Variants in NIM1K observed in about 807,000 individuals in gnomAD.
NIM1K encodes serine/threonine-protein kinase NIM1.
Under a neutral mutation model 37.1 loss-of-function variants are expected in NIM1K, and 35 were observed. The observed-to-expected ratio is 0.94, with a 90% confidence interval of 0.72 to 1.25. The LOEUF is 1.25. NIM1K is among the 50% of genes most tolerant of loss of function. The probability of loss-of-function intolerance (pLI) is 0.00; values close to 1 mark genes in which losing one functional copy is unlikely to be tolerated. For missense variants in NIM1K, 564 were observed against 548.0 expected (o/e 1.03, Z -0.29); for synonymous variants, 234 against 206.6 (o/e 1.13, Z -1.14).
At chr5:43,279,944 T>C in intron 3 of NIM1K, 36 bp from the exon 4 acceptor site, 3 of 1,540,598 alleles carry the variant, frequency 1.9e-6, no homozygotes, top group Non-Finnish European at 2.7e-6. Context: ...GACATTTTAC[T>C]GTAAAAATGA....
chr5:43,233,723 C>T (rs1387221120), intron 1 of NIM1K, among the ~76,000 whole-genome samples: 1 of 152,222 alleles, frequency 6.6e-6, no homozygotes, highest in East Asian at 1.9e-4. Flanking sequence ...GCAGTTTCTG[C>T]TTTGACTTAC....
In NIM1K at chr5:43,277,071, A is replaced by G; in HGVS notation, c.307A>G (p.Lys103Glu). The G allele has an allele frequency of 1.2e-6, 2 of 1,613,242 alleles. No homozygotes were observed. The highest frequency in any genetic ancestry group is 8.5e-7 in the Non-Finnish European group (1 of 1,179,802). The change falls in exon 3 of 4, where the codon AAG becomes GAG. Residue 103 changes from lysine (K) to glutamate (E), a missense_variant. Coordinates refer to ENST00000326035, the MANE Select transcript of NIM1K (RefSeq NM_153361.4). Reference sequence around the variant, plus strand: ...TTTCCTTGCAGAAAAGGTGGCCATTAAGATCCTGGACAAGACCAAGTTAGA... The same window carrying G: ...TTTCCTTGCAGAAAAGGTGGCCATTGAGATCCTGGACAAGACCAAGTTAGA... Reference protein sequence around the residue: ...HSLTKEKVAIKILDKTKLDQK... With the variant: ...HSLTKEKVAIEILDKTKLDQK...
intron 2 of NIM1K, among the ~76,000 whole-genome samples, chr5:43,257,952 A>C (rs143587647): frequency 3.0e-4 from 46 of 152,186 alleles, no homozygotes; most frequent in African/African-American, 1.0e-3. Flanking sequence ...TGTTTAACGC[A>C]TATCAATACC....
intron 2 of NIM1K, among the ~76,000 whole-genome samples, chr5:43,249,049 TTTA>T (rs1434467051): frequency 4.2e-4 from 44 of 104,716 alleles, no homozygotes; most frequent in Middle Eastern, 0.015. Context: ...TTTATTTTTA[TTTA>T]TTTATTTATT....
At chr5:43,203,760 T>C (rs1050376248) in intron 1 of NIM1K, among the ~76,000 whole-genome samples, 27 of 152,122 alleles carry the variant, frequency 1.8e-4, no homozygotes, top group African/African-American at 6.3e-4. Flanking sequence ...GCACAGTGGC[T>C]CACGTCTGTA....
intron 1 of NIM1K, among the ~76,000 whole-genome samples, chr5:43,215,440 T>C (rs76248832): frequency 0.024 from 3,598 of 152,262 alleles, 145 homozygotes; most frequent in East Asian, 0.16. Context: ...GGCCCATCTT[T>C]TTTTCTTTTT....
Position 43,217,483 on chromosome 5 carries a change from C to G in NIM1K, c.-695+25072C>G, listed in dbSNP as rs571110583. ...GCAAAAAAAAAAAAAAAAAAAAAGT[C>G]CTGCACCATATTACGTTCCAACCAG... On this transcript the variant is annotated intron_variant, in intron 1 of 3. Coordinates refer to ENST00000326035, the MANE Select transcript of NIM1K (RefSeq NM_153361.4). 2.3e-3 allele frequency among the ~76,000 whole-genome samples: 345 copies of G among 147,990 alleles called. 1 individual carries two copies. Among genetic ancestry groups the G allele is most frequent in the Non-Finnish European group, 4.2e-3 (284 of 67,138 alleles).
At position 43,245,518 on chromosome 5, in the gene NIM1K, T is replaced by A; in HGVS notation, c.-258T>A. 1 of 402,828 alleles carries A rather than the reference T, an allele frequency of 2.5e-6. No homozygotes were observed. The highest frequency in any genetic ancestry group is 4.4e-6 in the Non-Finnish European group (1 of 225,688). The allele number at this position is 402,828 out of a possible 1,614,324, so 25.0% of individuals were successfully genotyped here. On this transcript the variant is annotated 5_prime_UTR_variant, in exon 2 of 4. Coordinates refer to ENST00000326035, the MANE Select transcript of NIM1K (RefSeq NM_153361.4). ...TGTGCCTAATTGTACAGCTAGAGCC[T>A]GCAAGTTCAACGTGAGGGAAGGTGG...
At chr5:43,221,545 A>G (rs1752381363) in intron 1 of NIM1K, among the ~76,000 whole-genome samples, 1 of 152,144 alleles carries the variant, frequency 6.6e-6, no homozygotes, top group African/African-American at 2.4e-5. Context: ...GCAAAGACCA[A>G]TTCTCCAATT....
At chr5:43,208,202 T>TAAG (rs2112212849) in intron 1 of NIM1K, among the ~76,000 whole-genome samples, 1 of 152,308 alleles carries the variant, frequency 6.6e-6, no homozygotes, top group Non-Finnish European at 1.5e-5. Flanking sequence ...ATGGTGTTTC[T>TAAG]TTCCCCAATA....
chr5:43,260,044 C>T (rs1050971801), intron 2 of NIM1K, among the ~76,000 whole-genome samples: 1 of 151,920 alleles, frequency 6.6e-6, no homozygotes, highest in Non-Finnish European at 1.5e-5. Flanking sequence ...GTGTCCTTTC[C>T]CTAATTTATG....
At chr5:43,273,252 G>A (rs1271306396) in intron 2 of NIM1K, among the ~76,000 whole-genome samples, 3 of 150,958 alleles carry the variant, frequency 2.0e-5, no homozygotes, top group African/African-American at 7.3e-5. Flanking sequence ...CACCTAGGCT[G>A]GAGTGCAGTG....
intron 1 of NIM1K, among the ~76,000 whole-genome samples, chr5:43,215,812 C>T (rs1245907073): frequency 1.3e-5 from 2 of 152,160 alleles, no homozygotes; most frequent in African/African-American, 4.8e-5. Flanking sequence ...CTTCATGATT[C>T]TTGTTCTTTA....
intron 1 of NIM1K, among the ~76,000 whole-genome samples, chr5:43,210,361 A>G (rs915235933): frequency 6.6e-6 from 1 of 152,226 alleles, no homozygotes; most frequent in African/African-American, 2.4e-5. Context: ...TTTATTATTT[A>G]TTTATCCATT....
intron 1 of NIM1K, among the ~76,000 whole-genome samples, chr5:43,220,367 C>T (rs1397270075): frequency 2.7e-5 from 4 of 147,964 alleles, no homozygotes; most frequent in African/African-American, 1.0e-4. Context: ...CACACTGCAA[C>T]CTTCACCTCC....
chr5:43,199,569 G>A lies in NIM1K; in HGVS notation c.-695+7158G>A, dbSNP rs149699095. ...TCCTCTGTAAGTTCCACAGGGGAAGGAAATGAAAGGAGCTGCTCCAGCTGC... is the reference window on the plus strand; with the variant it reads ...TCCTCTGTAAGTTCCACAGGGGAAGAAAATGAAAGGAGCTGCTCCAGCTGC... On this transcript the variant is annotated intron_variant, in intron 1 of 3. Coordinates refer to ENST00000326035, the MANE Select transcript of NIM1K (RefSeq NM_153361.4). 7.4e-3 allele frequency among the ~76,000 whole-genome samples: 1,124 copies of A among 152,222 alleles called. 6 individuals are homozygous for A. The highest frequency in any genetic ancestry group is 0.017 in the Middle Eastern group (5 of 294).
At chr5:43,258,453 T>C (rs1561089688) in intron 2 of NIM1K, among the ~76,000 whole-genome samples, 1 of 152,066 alleles carries the variant, frequency 6.6e-6, no homozygotes. Context: ...ACTTTTTTTT[T>C]TTTTTTGAGG....
intron 2 of NIM1K, among the ~76,000 whole-genome samples, chr5:43,269,785 A>G (rs1376180725): frequency 2.6e-5 from 4 of 151,822 alleles, no homozygotes; most frequent in African/African-American, 4.8e-5. Flanking sequence ...CGCCTGGCTA[A>G]TTTTTTGTAT....
In NIM1K at chr5:43,280,458, C is replaced by T; in HGVS notation, c.1040C>T (p.Thr347Ile). 2 of 1,614,146 alleles carry T rather than the reference C, an allele frequency of 1.2e-6. No homozygotes were observed. The highest frequency in any genetic ancestry group is 1.3e-5 in the African/African-American group (1 of 75,014). ...FQLDPKHLSE[T>I]STLKEEENEV... is the part of the protein sequence containing the mutation. ...CTGGATCCCAAACATTTGTCGGAAA[C>T]CAGCACTCTCAAGGAAGAAGAAAAT... The change falls in exon 4 of 4, where the codon ACC (threonine) becomes ATC (isoleucine). Residue 347 changes from threonine (T) to isoleucine (I), a missense_variant. By Grantham distance (89) the Thr-to-Ile change is moderately conservative (BLOSUM62 -1). Coordinates refer to ENST00000326035, the MANE Select transcript of NIM1K (RefSeq NM_153361.4).
Sources: gnomAD v4.1 joint callset for allele counts (sites outside exome capture counted in the v4.1 genomes callset) on GRCh38, gnomAD v4.1.1 for gene constraint, MANE v1.5 for transcripts, NCBI Gene and HGNC (gene_info 2026-07-23, HGNC 2026-07-21) for gene names.